The following INSC variants were observed in gnomAD, a reference collection of about 807,000 sequenced individuals.
INSC encodes the protein INSC spindle orientation adaptor protein.
In INSC, 67 loss-of-function variants were observed where a neutral mutation model predicts 58.6. The observed-to-expected ratio is 1.14, with a 90% CI of 0.94 to 1.40. INSC has a LOEUF of 1.40. Among genes scored for constraint, INSC ranks in the 40% most tolerant of loss-of-function variants. INSC has a pLI of 0.00. For missense variants in INSC, 714 were observed against 692.0 expected (o/e 1.03, Z -0.36); for synonymous variants, 262 against 276.1 (o/e 0.95, Z 0.51).
Position 15,245,965 on chromosome 11 carries a change from C to G in INSC, c.1524C>G (p.Asp508Glu). The change falls in exon 13 of 13, where the codon GAC becomes GAG. Residue 508 changes from aspartate (D) to glutamate (E), a missense_variant. Asp to Glu is a conservative substitution (Grantham distance 45). Coordinates refer to ENST00000379556, the MANE Select transcript of INSC (RefSeq NM_001042536.3). ...GCCCTGAAGGCCTCCAGGACTCTGA[C>G]TTTCAGCAGTTGGTCCAGCCTCGGC... The part of the protein sequence containing the change: ...GVCPEGLQDS[D>E]FQQLVQPRLV... The G allele has an allele frequency of 1.2e-6, 2 of 1,614,218 alleles. No homozygotes were observed. The highest frequency in any genetic ancestry group is 1.7e-6 in the Non-Finnish European group (2 of 1,180,020).
chr11:15,194,687 A>G lies in INSC; in HGVS notation c.693+3873A>G, dbSNP rs116239671. Among the ~76,000 whole-genome samples the G allele has an allele frequency of 9.5e-3, 1,453 of 152,292 alleles. 16 individuals carry two copies. Among genetic ancestry groups the G allele is most frequent in the African/African-American group, 0.033 (1,388 of 41,546 alleles). ...AAAACCATCCTATGAAGAAAGTACC[A>G]TGTTGTTACCATCAACAGTTGAGGA... On this transcript the variant is annotated intron_variant, in intron 6 of 12. Coordinates refer to ENST00000379556, the MANE Select transcript of INSC (RefSeq NM_001042536.3).
At chr11:15,158,942 A>C (rs1440568438) in intron 2 of INSC, among the ~76,000 whole-genome samples, 1 of 122,588 alleles carries the variant, frequency 8.2e-6, no homozygotes, top group African/African-American at 3.2e-5. Flanking sequence ...TCAACTTTGT[A>C]GCCTCAGCTC....
upstream of INSC, chr11:15,112,617 T>A: frequency 1.9e-6 from 1 of 539,904 alleles, no homozygotes; most frequent in Admixed American, 5.1e-5. Context: ...TGTGTGTGTG[T>A]GTGTGTGTGT....
At chr11:15,129,562 A>G (rs1228580512) in intron 1 of INSC, among the ~76,000 whole-genome samples, 1 of 152,160 alleles carries the variant, frequency 6.6e-6, no homozygotes, top group Non-Finnish European at 1.5e-5. Context: ...AATATCATTT[A>G]ATAATGTTTT....
chr11:15,216,483 T>C (rs1309887193), intron 7 of INSC, among the ~76,000 whole-genome samples: 2 of 152,204 alleles, frequency 1.3e-5, no homozygotes, highest in Non-Finnish European at 2.9e-5. Flanking sequence ...CTGCTTCATC[T>C]CTGTGTCACT....
At chr11:15,218,387 A>G (rs555624990) in intron 7 of INSC, among the ~76,000 whole-genome samples, 2 of 152,260 alleles carry the variant, frequency 1.3e-5, no homozygotes, top group East Asian at 3.9e-4. Flanking sequence ...TATGCATAAA[A>G]CTCAGAGTAA....
intron 1 of INSC, among the ~76,000 whole-genome samples, chr11:15,132,618 G>T (rs1425965703): frequency 6.6e-6 from 1 of 152,044 alleles, no homozygotes; most frequent in African/African-American, 2.4e-5. Flanking sequence ...AGTTTCTTTG[G>T]ATTTACCCAC....
At chr11:15,120,349 A>G (rs1847840407) in intron 1 of INSC, among the ~76,000 whole-genome samples, 1 of 152,198 alleles carries the variant, frequency 6.6e-6, no homozygotes, top group African/African-American at 2.4e-5. Flanking sequence ...ACTTGTAAAC[A>G]AATAAAGGCC....
intron 5 of INSC, among the ~76,000 whole-genome samples, chr11:15,182,380 T>A (rs948008456): frequency 6.6e-6 from 1 of 152,160 alleles, no homozygotes; most frequent in African/African-American, 2.4e-5. Flanking sequence ...ATTTCAGTTG[T>A]CTATAGTCTA....
the INSC span, among the ~76,000 whole-genome samples, chr11:15,256,209 C>T: frequency 6.6e-5 from 10 of 152,168 alleles, no homozygotes; most frequent in Non-Finnish European, 7.4e-5. Flanking sequence ...TTCCCAACTG[C>T]GCTGTGCTTT....
intron 5 of INSC, among the ~76,000 whole-genome samples, chr11:15,181,963 A>G (rs191126531): frequency 6.6e-6 from 1 of 152,230 alleles, no homozygotes; most frequent in East Asian, 1.9e-4. Context: ...TTCAATTTTC[A>G]TACTCTGTTC....
intron 5 of INSC, among the ~76,000 whole-genome samples, chr11:15,187,862 T>C (rs550756893): frequency 3.3e-5 from 5 of 152,328 alleles, no homozygotes; most frequent in African/African-American, 1.2e-4. Context: ...AATGTCTTCT[T>C]GATTTCCTGA....
intron 7 of INSC, among the ~76,000 whole-genome samples, chr11:15,208,197 T>G (rs1850881713): frequency 6.6e-6 from 1 of 152,218 alleles, no homozygotes; most frequent in African/African-American, 2.4e-5. Flanking sequence ...TGCCTCTGAA[T>G]GAAGGTCGCA....
intron 10 of INSC, 115 bp downstream of exon 10, chr11:15,235,783 G>T: frequency 4.4e-6 from 4 of 917,784 alleles, no homozygotes; most frequent in South Asian, 2.6e-5. Context: ...GTGGCCGGGC[G>T]CAGGAATCAT....
At chr11:15,269,627 GGTAA>G in the INSC span, among the ~76,000 whole-genome samples, 407 of 152,010 alleles carry the variant, frequency 2.7e-3, 4 homozygotes, top group African/African-American at 9.4e-3. Flanking sequence ...ATCTGAACTA[GGTAA>G]GTGAGATCAT....
chr11:15,247,562 C>T (rs1852601758), downstream of INSC, among the ~76,000 whole-genome samples: 2 of 151,956 alleles, frequency 1.3e-5, no homozygotes, highest in Admixed American at 6.6e-5. Context: ...ATATTATTCT[C>T]AGTATAGATA....
intron 2 of INSC, among the ~76,000 whole-genome samples, chr11:15,154,649 T>C (rs1848751500): frequency 6.6e-6 from 1 of 152,228 alleles, no homozygotes; most frequent in Non-Finnish European, 1.5e-5. Flanking sequence ...GGGCCAGACT[T>C]CCACTGATAT....
At chr11:15,249,149 A>G (rs969129469), downstream of INSC, among the ~76,000 whole-genome samples, 22 of 152,164 alleles carry the variant, frequency 1.4e-4, 1 homozygote, top group African/African-American at 5.3e-4. Flanking sequence ...CTCTGGTAAG[A>G]GCCAGTTATG....
chr11:15,134,767 G>T (rs527718961), intron 1 of INSC, among the ~76,000 whole-genome samples: 1 of 152,018 alleles, frequency 6.6e-6, no homozygotes, highest in African/African-American at 2.4e-5. Context: ...TGCTTACCCC[G>T]CAGATTGATG....
Sources: gnomAD v4.1 joint callset for allele counts (sites outside exome capture counted in the v4.1 genomes callset) on GRCh38, gnomAD v4.1.1 for gene constraint, MANE v1.5 for transcripts, NCBI Gene and HGNC (gene_info 2026-07-23, HGNC 2026-07-21) for gene names.